ERICH1: variants seen among roughly 807,000 people sequenced by gnomAD.
ERICH1 encodes glutamate-rich protein 1.
Under a neutral mutation model 39.6 loss-of-function variants are expected in ERICH1, and 56 were observed. The ratio of observed to expected loss-of-function variants is 1.41; its 90% CI spans 1.14 to 1.77. The LOEUF is 1.77. Ranked by LOEUF, ERICH1 falls within the 40% of genes most tolerant of loss-of-function variation. ERICH1 has a pLI of 0.00. For missense variants in ERICH1, 826 were observed against 575.4 expected (o/e 1.44, Z -4.45); for synonymous variants, 313 against 223.6 (o/e 1.40, Z -3.57).
At chr8:675,125 C>A (rs1378040488) in intron 3 of ERICH1, among the ~76,000 whole-genome samples, 1 of 149,266 alleles carries the variant, frequency 6.7e-6, no homozygotes, top group African/African-American at 2.5e-5. Context: ...CGTGGCGGCC[C>A]CTCGGCGAGG....
At chr8:633,936 C>T (rs1436031163) in intron 3 of ERICH1, among the ~76,000 whole-genome samples, 1 of 152,154 alleles carries the variant, frequency 6.6e-6, no homozygotes, top group Non-Finnish European at 1.5e-5. Context: ...CATAAGGAAA[C>T]ACAGGGAAAA....
At chr8:694,465 G>C (rs150631158) in intron 2 of ERICH1, among the ~76,000 whole-genome samples, 39 of 152,300 alleles carry the variant, frequency 2.6e-4, no homozygotes, top group African/African-American at 9.1e-4. Context: ...GACACGGGAG[G>C]GATCAGGGAA....
intron 5 of ERICH1, chr8:666,629 T>C (rs1162319455): frequency 6.6e-6 from 1 of 152,480 alleles, no homozygotes; most frequent in Non-Finnish European, 1.5e-5. Context: ...CTGTACTCAC[T>C]GTCCCTGATC....
rs190751861 is a variant in ERICH1, at chr8:615,091, G to A, written c.*132C>T. Reference sequence around the variant, plus strand: ...TCGGCCACTGAAGATCTCAGCTCTCGTCAGCCTTGCAAAGCTTGCTGCATC... The same window carrying A: ...TCGGCCACTGAAGATCTCAGCTCTCATCAGCCTTGCAAAGCTTGCTGCATC... On this transcript the variant is annotated 3_prime_UTR_variant, in exon 4 of 4. Transcript: ENST00000522706. 6.9e-5 allele frequency: 41 copies of A among 593,950 alleles called. No homozygotes were observed. In the East Asian group the frequency reaches 9.3e-4, roughly 13 times the overall value. The allele number at this position is 593,950 out of a possible 1,614,324, so 36.8% of individuals were successfully genotyped here.
chr8:657,518 G>A (rs1563196471), intron 3 of ERICH1, among the ~76,000 whole-genome samples: 1 of 151,500 alleles, frequency 6.6e-6, no homozygotes, highest in African/African-American at 2.4e-5. Context: ...TCACAGGGGC[G>A]ATGCTTGTCT....
chr8:728,230 G>C (rs2132492714), intron 1 of ERICH1, among the ~76,000 whole-genome samples: 1 of 152,340 alleles, frequency 6.6e-6, no homozygotes, highest in Non-Finnish European at 1.5e-5. Flanking sequence ...CCAACAGCAA[G>C]ACTCCGCCCA....
At chr8:622,017 C>T (rs980761537) in intron 3 of ERICH1, among the ~76,000 whole-genome samples, 2 of 152,086 alleles carry the variant, frequency 1.3e-5, no homozygotes, top group Non-Finnish European at 2.9e-5. Flanking sequence ...TAGTTTGAGA[C>T]CAGCCTGGAC....
intron 2 of ERICH1, among the ~76,000 whole-genome samples, chr8:712,114 C>A (rs1814869995): frequency 6.6e-6 from 1 of 152,112 alleles, no homozygotes; most frequent in African/African-American, 2.4e-5. Flanking sequence ...CTTTAATATT[C>A]TGTTGGCTAT....
chr8:720,128 G>T (rs764330394), intron 1 of ERICH1, among the ~76,000 whole-genome samples: 1 of 152,168 alleles, frequency 6.6e-6, no homozygotes, highest in Non-Finnish European at 1.5e-5. Flanking sequence ...GAAAATCACT[G>T]ACTGCTCTGC....
chr8:717,328 G>C (rs1238572229), intron 1 of ERICH1, among the ~76,000 whole-genome samples: 1 of 152,158 alleles, frequency 6.6e-6, no homozygotes, highest in South Asian at 2.1e-4. Flanking sequence ...AAAAGCTCCT[G>C]CTGGCTGTGG....
intron 3 of ERICH1, among the ~76,000 whole-genome samples, chr8:674,904 C>T (rs1804321441): frequency 6.6e-6 from 1 of 152,200 alleles, no homozygotes; most frequent in South Asian, 2.1e-4. Context: ...AGTCCTGAGT[C>T]CTCCAATCTG....
chr8:668,636 G>A lies in ERICH1; in HGVS notation c.1220C>T (p.Ala407Val). The A allele has an allele frequency of 6.2e-7, 1 of 1,614,232 alleles. No individual in the cohort carries two copies. Among genetic ancestry groups the A allele is most frequent in the South Asian group, 1.1e-5 (1 of 91,084 alleles). ...GCAATGTTCTGGGAACATTTCCAGA[G>A]CATGCTTCAATCTCTCAGTATCTTG... ...LLQDTERLKH[A>V]LEMFPEHCTM... The change falls in exon 5 of 6, where the codon GCT becomes GTT. Residue 407 changes from alanine (A) to valine (V), a missense_variant. Physicochemically the swap from Ala to Val is moderately conservative, Grantham distance 64. Coordinates refer to ENST00000262109, the MANE Select transcript of ERICH1 (RefSeq NM_207332.3).
chr8:617,496 C>T (rs919732879), intron 3 of ERICH1, among the ~76,000 whole-genome samples: 16 of 152,204 alleles, frequency 1.1e-4, no homozygotes, highest in African/African-American at 3.4e-4. Flanking sequence ...TCACTTCCCT[C>T]TGAATGCTGA....
intron 3 of ERICH1, among the ~76,000 whole-genome samples, chr8:678,170 G>T (rs1208131021): frequency 1.3e-5 from 2 of 151,946 alleles, no homozygotes; most frequent in African/African-American, 4.8e-5. Flanking sequence ...AAAGAGACTG[G>T]ACATCCTTTT....
intron 1 of ERICH1, among the ~76,000 whole-genome samples, chr8:730,495 G>C (rs1223914183): frequency 6.6e-6 from 1 of 152,210 alleles, no homozygotes; most frequent in Non-Finnish European, 1.5e-5. Context: ...TGATTACACG[G>C]TGAGGGTAAT....
intron 3 of ERICH1, among the ~76,000 whole-genome samples, chr8:649,886 G>A (rs1360499151): frequency 2.0e-5 from 3 of 152,226 alleles, no homozygotes; most frequent in Admixed American, 1.3e-4. Context: ...AGGAGCAGTG[G>A]CCCCAGGTTG....
intron 1 of ERICH1, among the ~76,000 whole-genome samples, chr8:723,667 G>A (rs1817876940): frequency 1.3e-5 from 2 of 152,184 alleles, no homozygotes; most frequent in South Asian, 2.1e-4. Context: ...CATTGTAATA[G>A]GCATTTTAAA....
Position 692,501 on chromosome 8 carries a change from G to T in ERICH1, c.281C>A (p.Ala94Asp). ...ACCTTCTGTGTCATCCCCGCTGGAG[G>T]CGTTCTCGGGGCTCCCACAGCTGCT... is the stretch of plus-strand genomic sequence containing the variant. ...EPSSCGSPEN[A>D]SSGDDTEDQD... is the part of the protein sequence containing the mutation. Residue 94 changes from alanine to aspartate, a missense_variant, in exon 3 of 6, where the codon GCC (alanine) becomes GAC (aspartate). Physicochemically the swap from Ala to Asp is moderately radical, Grantham distance 126. Transcript: ENST00000262109. 1 of 1,614,072 alleles carries T rather than the reference G, an allele frequency of 6.2e-7. No individual in the cohort carries two copies.
chr8:716,754 G>A (rs540686603), intron 1 of ERICH1, among the ~76,000 whole-genome samples: 1 of 152,156 alleles, frequency 6.6e-6, no homozygotes, highest in African/African-American at 2.4e-5. Flanking sequence ...CAACTGCCTG[G>A]TGCCTTTAGG....
Sources: gnomAD v4.1 joint callset for allele counts (sites outside exome capture counted in the v4.1 genomes callset) on GRCh38, gnomAD v4.1.1 for gene constraint, MANE v1.5 for transcripts, NCBI Gene and HGNC (gene_info 2026-07-23, HGNC 2026-07-21) for gene names.